The following GLI2 variants were observed in gnomAD, a reference collection of about 807,000 sequenced individuals.
GLI2 encodes the protein transcription activator GLI2.
Under a neutral mutation model 78.9 loss-of-function variants are expected in GLI2, and 22 were observed. The observed-to-expected ratio is 0.28, with a 90% CI of 0.20 to 0.40. The LOEUF is 0.40. Among genes scored for constraint, GLI2 ranks in the 10% least tolerant of loss-of-function variants. GLI2 has a pLI of 1.00. For synonymous variants in GLI2, 974 were observed against 963.7 expected, an observed-to-expected ratio of 1.01 and a Z score of -0.20; for missense variants, 2,097 against 2,213.2, an observed-to-expected ratio of 0.95 and a Z score of 1.05.
chr2:120,832,664 C>T (rs996029688), intron 2 of GLI2, among the ~76,000 whole-genome samples: 7 of 152,150 alleles, frequency 4.6e-5, no homozygotes, highest in South Asian at 2.1e-4. Context: ...GGAGTGTGTT[C>T]GGGCAATGAG....
chr2:120,940,703 C>T lies in GLI2; in HGVS notation c.255-10540C>T, dbSNP rs187069860. Among the ~76,000 whole-genome samples the T allele has an allele frequency of 4.1e-3, 617 of 152,338 alleles. 26 individuals are homozygous for T. The highest frequency in any genetic ancestry group is 0.038 in the Admixed American group (577 of 15,300). On this transcript the variant is annotated intron_variant, in intron 3 of 13. Transcript: ENST00000361492. The stretch of plus-strand genomic sequence containing the variant: ...TTGAGGGCCTGTGATTTCCTGAGCT[C>T]GTAACTGGTCTTGGGAATGCCTGCC...
intron 2 of GLI2, among the ~76,000 whole-genome samples, chr2:120,885,021 C>A (rs1285340686): frequency 6.6e-6 from 1 of 152,210 alleles, no homozygotes; most frequent in Non-Finnish European, 1.5e-5. Flanking sequence ...TTCTTGCCTT[C>A]CATCTTGGAA....
chr2:120,860,250 C>T (rs1409591326), intron 2 of GLI2, among the ~76,000 whole-genome samples: 2 of 152,180 alleles, frequency 1.3e-5, no homozygotes, highest in East Asian at 3.9e-4. Flanking sequence ...TAAGGTCAAG[C>T]GGTCAGTACC....
At chr2:120,796,191 G>A (rs1002834708) in intron 1 of GLI2, among the ~76,000 whole-genome samples, 2 of 152,102 alleles carry the variant, frequency 1.3e-5, no homozygotes, top group African/African-American at 2.4e-5. Flanking sequence ...CCCGAATCCC[G>A]CTGGGTGTTC....
intron 3 of GLI2, among the ~76,000 whole-genome samples, chr2:120,930,275 G>A (rs993971331): frequency 6.6e-6 from 1 of 152,216 alleles, no homozygotes; most frequent in Non-Finnish European, 1.5e-5. Flanking sequence ...AACCGGCCCT[G>A]CTGTAAATGC....
intron 2 of GLI2, among the ~76,000 whole-genome samples, chr2:120,920,880 T>C (rs1365864409): frequency 7.1e-6 from 1 of 140,666 alleles, no homozygotes; most frequent in African/African-American, 2.6e-5. Flanking sequence ...ATGATTAATT[T>C]TGGATTTTTT....
At chr2:120,827,421 C>T (rs1686131362) in intron 2 of GLI2, among the ~76,000 whole-genome samples, 1 of 152,174 alleles carries the variant, frequency 6.6e-6, no homozygotes. Context: ...AAGTTGGCCT[C>T]CTTGTGCACT....
In GLI2 at chr2:120,835,534, C is replaced by T. The variant is rs141526099; in HGVS notation, c.148+38066C>T. The stretch of plus-strand genomic sequence containing the variant: ...CTGAGTAGCTAGGATTATAGGCGCC[C>T]GCCACCACACCTGGCTAATGTTTGT... On this transcript the variant is annotated intron_variant, in intron 2 of 13. Transcript: ENST00000361492. 1.5e-3 allele frequency among the ~76,000 whole-genome samples: 227 copies of T among 151,994 alleles called. 2 individuals carry two copies. Among genetic ancestry groups the T allele is most frequent in the Middle Eastern group, 6.8e-3 (2 of 294 alleles).
intron 1 of GLI2, among the ~76,000 whole-genome samples, chr2:120,746,239 G>T (rs1321677415): frequency 6.6e-6 from 1 of 152,222 alleles, no homozygotes; most frequent in Non-Finnish European, 1.5e-5. Flanking sequence ...TGGGCTTCTG[G>T]GTCCCAAGCC....
intron 2 of GLI2, among the ~76,000 whole-genome samples, chr2:120,837,162 A>T (rs1686650591): frequency 6.6e-6 from 1 of 152,204 alleles, no homozygotes; most frequent in African/African-American, 2.4e-5. Flanking sequence ...TGGGAGGCCG[A>T]GGCGGGCGGA....
At chr2:120,966,236 G>A (rs996266512) in intron 5 of GLI2, among the ~76,000 whole-genome samples, 5 of 152,134 alleles carry the variant, frequency 3.3e-5, no homozygotes, top group Non-Finnish European at 7.3e-5. Flanking sequence ...TCATCCCACT[G>A]GGTCACAGCA....
At chr2:120,889,190 G>A (rs1249418489) in intron 2 of GLI2, among the ~76,000 whole-genome samples, 1 of 152,236 alleles carries the variant, frequency 6.6e-6, no homozygotes, top group African/African-American at 2.4e-5. Flanking sequence ...TGAAAGGGCT[G>A]GAAGTCTGTG....
At chr2:120,863,826 G>C (rs1007893678) in intron 2 of GLI2, among the ~76,000 whole-genome samples, 1 of 152,176 alleles carries the variant, frequency 6.6e-6, no homozygotes, top group Admixed American at 6.5e-5. Context: ...TCACAGGAGG[G>C]CGAGGCCGAG....
rs150904307 is a variant in GLI2, at chr2:120,980,111, T to C, written c.1467+1528T>C. Among the ~76,000 whole-genome samples the C allele has an allele frequency of 6.5e-3, 988 of 152,360 alleles. 7 individuals are homozygous for C. The highest frequency in any genetic ancestry group is 0.022 in the African/African-American group (933 of 41,582). ...AATAATGCTGCTATGAACATGTGCG[T>C]TCATGTTTTTATATGGACAGAACGT... On this transcript the variant is annotated intron_variant, in intron 10 of 13. Coordinates refer to ENST00000361492, the MANE Select transcript of GLI2 (RefSeq NM_001374353.1).
chr2:120,952,382 A>G (rs867218297), intron 4 of GLI2, among the ~76,000 whole-genome samples: 23 of 152,322 alleles, frequency 1.5e-4, no homozygotes, highest in Middle Eastern at 6.8e-3. Flanking sequence ...CGAGTCTCTT[A>G]TCACTACCAG....
intron 2 of GLI2, among the ~76,000 whole-genome samples, chr2:120,819,046 A>T (rs1397978270): frequency 6.6e-6 from 1 of 152,130 alleles, no homozygotes; most frequent in East Asian, 1.9e-4. Context: ...GGCTTTTATC[A>T]TACACTCTTA....
chr2:120,856,177 A>G (rs1687635560), intron 2 of GLI2, among the ~76,000 whole-genome samples: 1 of 152,108 alleles, frequency 6.6e-6, no homozygotes, highest in Non-Finnish European at 1.5e-5. Flanking sequence ...CTTATTTTCC[A>G]ACACCTCAGG....
chr2:120,798,084 T>G (rs1487136228), intron 2 of GLI2, among the ~76,000 whole-genome samples: 1 of 152,044 alleles, frequency 6.6e-6, no homozygotes, highest in Non-Finnish European at 1.5e-5. Flanking sequence ...CCGCTGTGTC[T>G]GCACAGTCCA....
At chr2:120,839,472 A>T (rs188780944) in intron 2 of GLI2, among the ~76,000 whole-genome samples, 32 of 152,296 alleles carry the variant, frequency 2.1e-4, no homozygotes, top group African/African-American at 7.7e-4. Flanking sequence ...TAAATTTAGC[A>T]GCAGTGTTTA....
Sources: gnomAD v4.1 joint callset for allele counts (sites outside exome capture counted in the v4.1 genomes callset) on GRCh38, gnomAD v4.1.1 for gene constraint, MANE v1.5 for transcripts, NCBI Gene and HGNC (gene_info 2026-07-23, HGNC 2026-07-21) for gene names.